SPRED1: variants seen among roughly 807,000 people sequenced by gnomAD.
SPRED1 encodes sprouty-related, EVH1 domain-containing protein 1.
In SPRED1, 18 loss-of-function variants were observed where a neutral mutation model predicts 52.3. The ratio of observed to expected loss-of-function variants is 0.34; its 90% CI spans 0.24 to 0.51. The LOEUF is 0.51. SPRED1 is among the 20% of genes least tolerant of loss of function. SPRED1 has a pLI of 0.97. For missense variants in SPRED1, 485 were observed against 551.0 expected, an observed-to-expected ratio of 0.88 and a Z score of 1.20; for synonymous variants, 155 against 179.7, an observed-to-expected ratio of 0.86 and a Z score of 1.10.
Position 38,351,224 on chromosome 15 carries a change from G to A in SPRED1, c.895G>A (p.Glu299Lys), listed in dbSNP as rs1337350847. Residue 299 changes from glutamate (E) to lysine (K), a missense_variant, in exon 7 of 7, where the codon GAG becomes AAG. Glu to Lys is a moderately conservative substitution (Grantham distance 56, BLOSUM62 1). Transcript: ENST00000299084. ...KSDYLYSCGD[E>K]TKLSSPKDSV... ...AGACTATCTGTACTCTTGTGGGGAT[G>A]AGACTAAGTTAAGTTCACCCAAAGA... The A allele has an allele frequency of 6.2e-7, 1 of 1,614,010 alleles. No homozygotes were observed. The highest frequency in any genetic ancestry group is 1.3e-5 in the African/African-American group (1 of 74,918).
intron 5 of SPRED1, among the ~76,000 whole-genome samples, chr15:38,347,996 G>T (rs1896176525): frequency 6.6e-6 from 1 of 151,986 alleles, no homozygotes; most frequent in Admixed American, 6.6e-5. Context: ...CATAGACCCT[G>T]TTGACTCAGG....
At chr15:38,349,379 TA>T in intron 5 of SPRED1, 42 bp from the exon 6 acceptor site, 1 of 1,455,262 alleles carries the variant, frequency 6.9e-7, no homozygotes, top group East Asian at 2.3e-5. Flanking sequence ...TCATTAAAAG[TA>T]AAATTCTTGT....
At chr15:38,253,753 A>G (rs985613879) in intron 1 of SPRED1, among the ~76,000 whole-genome samples, 1 of 152,174 alleles carries the variant, frequency 6.6e-6, no homozygotes, top group African/African-American at 2.4e-5. Flanking sequence ...CTTGTAAAAA[A>G]TAGGGTTAGG....
At chr15:38,330,661 C>T (rs1433316624) in intron 4 of SPRED1, among the ~76,000 whole-genome samples, 1 of 151,980 alleles carries the variant, frequency 6.6e-6, no homozygotes, top group Non-Finnish European at 1.5e-5. Flanking sequence ...GATATAAGGG[C>T]TCTTTACCAA....
chr15:38,318,159 T>C (rs1268854656), intron 2 of SPRED1, among the ~76,000 whole-genome samples: 1 of 152,042 alleles, frequency 6.6e-6, no homozygotes, highest in Non-Finnish European at 1.5e-5. Flanking sequence ...AAATTCATTT[T>C]AGCAGCTACC....
chr15:38,323,264 A>G (rs1050089309), intron 3 of SPRED1, among the ~76,000 whole-genome samples: 1 of 152,180 alleles, frequency 6.6e-6, no homozygotes, highest in African/African-American at 2.4e-5. Flanking sequence ...TAGTGCATAA[A>G]ACTGTAGTTA....
intron 2 of SPRED1, among the ~76,000 whole-genome samples, chr15:38,311,302 G>A (rs753955226): frequency 1.3e-5 from 2 of 152,112 alleles, no homozygotes; most frequent in Non-Finnish European, 1.5e-5. Context: ...TTTTTGATAC[G>A]TTGTTGGACT....
At chr15:38,319,109 A>G (rs1056351098) in intron 2 of SPRED1, among the ~76,000 whole-genome samples, 1 of 152,190 alleles carries the variant, frequency 6.6e-6, no homozygotes, top group African/African-American at 2.4e-5. Flanking sequence ...TTATATATTA[A>G]AAAACTAGAA....
chr15:38,337,450 T>C (rs1387746835), intron 4 of SPRED1, among the ~76,000 whole-genome samples: 1 of 152,194 alleles, frequency 6.6e-6, no homozygotes, highest in South Asian at 2.1e-4. Flanking sequence ...GAGACCCGTT[T>C]AGGTGTGTAG....
At chr15:38,283,017 T>A (rs1372122728) in intron 1 of SPRED1, among the ~76,000 whole-genome samples, 1 of 152,170 alleles carries the variant, frequency 6.6e-6, no homozygotes, top group Non-Finnish European at 1.5e-5. Flanking sequence ...ATGAGGTATG[T>A]TAGTCCGTTC....
At position 38,253,095 on chromosome 15, in the gene SPRED1, G is replaced by A. The variant is rs1484741604; in HGVS notation, c.-91G>A. Reference sequence around the variant, plus strand: ...GTGCCGCTGCCCCCGCGCCCCCCCGGCCGCCGCTGCCTCCTGCCCCTCGGT... The same window carrying A: ...GTGCCGCTGCCCCCGCGCCCCCCCGACCGCCGCTGCCTCCTGCCCCTCGGT... On this transcript the variant is annotated 5_prime_UTR_variant, in exon 1 of 7. Transcript: ENST00000299084. 10 of 1,187,110 alleles carry A rather than the reference G, an allele frequency of 8.4e-6. No homozygotes were observed. Among genetic ancestry groups the A allele is most frequent in the Admixed American group, 2.0e-5 (1 of 50,610 alleles). 73.5% of individuals were successfully genotyped at this position (1,187,110 alleles called of 1,614,324 possible).
At chr15:38,297,604 C>T (rs773854200) in intron 1 of SPRED1, among the ~76,000 whole-genome samples, 2 of 152,030 alleles carry the variant, frequency 1.3e-5, no homozygotes, top group African/African-American at 4.8e-5. Flanking sequence ...GAAGCCAAAC[C>T]CTTTCAGAGT....
intron 1 of SPRED1, among the ~76,000 whole-genome samples, chr15:38,278,816 C>A (rs1033474623): frequency 7.2e-6 from 1 of 138,890 alleles, no homozygotes; most frequent in African/African-American, 2.6e-5. Flanking sequence ...ACCATTATAA[C>A]CTAACTACAC....
At chr15:38,260,800 A>T (rs1566846798) in intron 1 of SPRED1, among the ~76,000 whole-genome samples, 1 of 152,238 alleles carries the variant, frequency 6.6e-6, no homozygotes, top group Non-Finnish European at 1.5e-5. Context: ...TCCATGACAC[A>T]AAAGGCTAAA....
chr15:38,260,355 A>G (rs758435849), intron 1 of SPRED1, among the ~76,000 whole-genome samples: 2 of 152,108 alleles, frequency 1.3e-5, no homozygotes, highest in African/African-American at 4.8e-5. Flanking sequence ...GTGTGTTTCT[A>G]TCTTCATTTG....
intron 2 of SPRED1, among the ~76,000 whole-genome samples, chr15:38,309,186 C>T (rs1183193986): frequency 1.3e-5 from 2 of 152,070 alleles, no homozygotes; most frequent in Non-Finnish European, 2.9e-5. Flanking sequence ...ATAGCGTCTT[C>T]TTCTAGTGCA....
At chr15:38,279,627 T>A (rs187060232) in intron 1 of SPRED1, among the ~76,000 whole-genome samples, 108 of 152,366 alleles carry the variant, frequency 7.1e-4, no homozygotes, top group Middle Eastern at 3.4e-3. Flanking sequence ...TCTGGACTTC[T>A]GTAAGCCATA....
intron 1 of SPRED1, among the ~76,000 whole-genome samples, chr15:38,296,930 C>T (rs1235357652): frequency 6.6e-6 from 1 of 152,142 alleles, no homozygotes; most frequent in Non-Finnish European, 1.5e-5. Flanking sequence ...AATAAAAGAA[C>T]TGAGGGTGCC....
rs557778470 is a variant in SPRED1, at chr15:38,343,615, C to G, written c.582+3720C>G. On this transcript the variant is annotated intron_variant, in intron 5 of 6. Coordinates refer to ENST00000299084, the MANE Select transcript of SPRED1 (RefSeq NM_152594.3). ...GAGTAGAGAGAGAACAAAAAAACTT[C>G]TAGATCATCTGGGAGCTTTTCTTCC... Among the ~76,000 whole-genome samples, 12 of 152,208 alleles carry G rather than the reference C, an allele frequency of 7.9e-5. No individual in the cohort carries two copies. In the East Asian group the frequency reaches 2.3e-3, roughly 29 times the overall value.
Sources: allele counts gnomAD v4.1 joint callset (sites outside exome capture counted in the v4.1 genomes callset), GRCh38; gene constraint gnomAD v4.1.1; transcripts MANE v1.5; gene names NCBI Gene and HGNC (gene_info 2026-07-23, HGNC 2026-07-21).